The following DCN variants were observed in gnomAD, a reference collection of about 807,000 sequenced individuals.
DCN encodes the protein bone proteoglycan II.
A neutral mutation model predicts 36.5 loss-of-function variants in DCN; 17 were observed. That is an observed-to-expected ratio of 0.47 (90% CI 0.32 to 0.70). The LOEUF (loss-of-function observed/expected upper bound fraction) is 0.70. Among genes scored for constraint, DCN ranks in the 30% least tolerant of loss-of-function variants. The probability of loss-of-function intolerance (pLI) is 0.04; values close to 1 mark genes in which losing one functional copy is unlikely to be tolerated. For synonymous variants in DCN, 163 were observed against 161.4 expected, an observed-to-expected ratio of 1.01 and a Z score of -0.07; for missense variants, 389 against 430.1, an observed-to-expected ratio of 0.90 and a Z score of 0.84.
rs1880854324 is a variant in DCN at position 91,143,807 on chromosome 12, T to A, written c.*2251A>T. ...ATAAAGATACATATATATGTATATA[T>A]GCAAAAAGATATATATATAAATATA... On this transcript the variant is annotated 3_prime_UTR_variant, in exon 8 of 8. Coordinates refer to ENST00000052754, the MANE Select transcript of DCN (RefSeq NM_001920.5). The A allele has an allele frequency of 6.7e-6, 1 of 148,274 alleles. No individual in the cohort carries two copies. Among genetic ancestry groups the A allele is most frequent in the South Asian group, 2.1e-4 (1 of 4,786 alleles). 9.2% of individuals were successfully genotyped at this position (148,274 alleles called of 1,614,324 possible).
intron 1 of DCN, chr12:91,180,457 T>C (rs1181195779): frequency 6.6e-6 from 1 of 152,142 alleles, no homozygotes; most frequent in African/African-American, 2.4e-5. Flanking sequence ...CCTTAAGGTA[T>C]CTTCTGGGAA....
rs1457239823 is a variant in DCN, at chr12:91,155,000, C to T, written c.653-1811G>A. On this transcript the variant is annotated intron_variant, in intron 5 of 7. Transcript: ENST00000052754. ...TCTACACTACTTTCTACTGCCTTTC[C>T]ATTTCCATGAGTGATGGGAGAAAAT... 2.6e-5 allele frequency among the ~76,000 whole-genome samples: 4 copies of T among 152,114 alleles called. No homozygotes were observed. The East Asian group carries it at 7.7e-4, about 29-fold the overall frequency.
chr12:91,171,054 AATGTTAGCATTTTAAATTAT>A (rs1490347482), intron 2 of DCN, among the ~76,000 whole-genome samples: 1 of 152,286 alleles, frequency 6.6e-6, no homozygotes, highest in Non-Finnish European at 1.5e-5. Flanking sequence ...TAAAAAGTAA[AATGTTAGCATTTTAAATTAT>A]ATGTATCAAT....
Position 91,145,686 on chromosome 12 carries a change from G to A in DCN, c.*372C>T, listed in dbSNP as rs1397662669. 2.7e-6 allele frequency: 1 copy of A among 367,176 alleles called. No individual in the cohort carries two copies. Among genetic ancestry groups the A allele is most frequent in the Non-Finnish European group, 5.2e-6 (1 of 191,580 alleles). 22.7% of individuals were successfully genotyped at this position (367,176 alleles called of 1,614,324 possible). ...TGGCATTTGACTTTATCTCAAATGA[G>A]CTAACTGCTCAATGAATTACAGAAG... On this transcript the variant is annotated 3_prime_UTR_variant, in exon 8 of 8. Coordinates refer to ENST00000052754, the MANE Select transcript of DCN (RefSeq NM_001920.5).
intron 2 of DCN, among the ~76,000 whole-genome samples, chr12:91,167,408 AC>A (rs1423974089): frequency 1.3e-5 from 2 of 151,880 alleles, no homozygotes; most frequent in Non-Finnish European, 2.9e-5. Context: ...TAAAAAAAAA[AC>A]AATAAAAGCA....
intron 7 of DCN, among the ~76,000 whole-genome samples, chr12:91,147,423 G>A (rs1057265415): frequency 1.1e-4 from 16 of 152,104 alleles, no homozygotes; most frequent in African/African-American, 3.6e-4. Flanking sequence ...TCAATATGTA[G>A]CATATTATGC....
chr12:91,158,655 T>C (rs1214093650), intron 3 of DCN, 146 bp from the exon 4 acceptor site: 2 of 656,226 alleles, frequency 3.0e-6, no homozygotes, highest in Non-Finnish European at 5.4e-6. Flanking sequence ...AAGTAAGTAT[T>C]ATTTCTTTAC....
chr12:91,158,229 A>C, intron 4 of DCN, 67 bp downstream of exon 4: 4 of 1,013,842 alleles, frequency 3.9e-6, no homozygotes, highest in Non-Finnish European at 6.3e-6. Flanking sequence ...CTGCACTTAA[A>C]ACCCAGTTGA....
At chr12:91,148,184 C>T (rs1282429145) in intron 7 of DCN, among the ~76,000 whole-genome samples, 1 of 152,020 alleles carries the variant, frequency 6.6e-6, no homozygotes, top group Non-Finnish European at 1.5e-5. Context: ...CGCCATTCTC[C>T]TGCCTCAGCC....
chr12:91,141,677 A>C lies in DCN; in HGVS notation c.*4381T>G, dbSNP rs534991423. The C allele has an allele frequency of 1.3e-5, 2 of 152,264 alleles. No individual in the cohort carries two copies. Among genetic ancestry groups the C allele is most frequent in the East Asian group, 3.9e-4 (2 of 5,176 alleles). The allele number at this position is 152,264 out of a possible 1,614,324, so 9.4% of individuals were successfully genotyped here. On this transcript the variant is annotated 3_prime_UTR_variant, in exon 8 of 8. Coordinates refer to ENST00000052754, the MANE Select transcript of DCN (RefSeq NM_001920.5). ...GTAGATATATCTGATCAAGACAAAA[A>C]AGTTGGATTATTTTGACATTTTTGA...
chr12:91,169,378 C>CAA (rs58056993), intron 2 of DCN, among the ~76,000 whole-genome samples: 860 of 73,272 alleles, frequency 0.012, 37 homozygotes, highest in African/African-American at 0.045. Flanking sequence ...GAGATCCTGT[C>CAA]AAAAAAAAAA....
intron 7 of DCN, among the ~76,000 whole-genome samples, chr12:91,148,378 C>T (rs1881174464): frequency 6.6e-6 from 1 of 152,034 alleles, no homozygotes; most frequent in South Asian, 2.1e-4. Flanking sequence ...CTGCCACCAA[C>T]AAGATCTTAA....
chr12:91,174,816 T>G (rs749443703), intron 2 of DCN, among the ~76,000 whole-genome samples: 1 of 152,140 alleles, frequency 6.6e-6, no homozygotes, highest in Non-Finnish European at 1.5e-5. Flanking sequence ...AGAATTATTA[T>G]TTTAATTTTG....
intron 3 of DCN, 36 bp from the exon 4 acceptor site, chr12:91,158,545 A>C (rs1418025429): frequency 6.6e-6 from 7 of 1,065,712 alleles, no homozygotes; most frequent in Non-Finnish European, 1.0e-5. Context: ...CTTTAAATCC[A>C]AAACCTTCCA....
Position 91,153,139 on chromosome 12 carries a change from T to G in DCN, c.703A>C (p.Arg235=), listed in dbSNP as rs3138264. ...ELHLDGNKIS[R]VDAASLKGLN... is the part of the protein sequence containing the mutation. Reference sequence around the variant, plus strand: ...CCTTTCAGGCTAGCTGCATCAACTCTGCTGATTTTGTTGCCATCAAGATGT... The same window carrying G: ...CCTTTCAGGCTAGCTGCATCAACTCGGCTGATTTTGTTGCCATCAAGATGT... Residue 235 remains arginine, a synonymous_variant, in exon 6 of 8, where the codon AGA becomes CGA. Coordinates refer to ENST00000052754, the MANE Select transcript of DCN (RefSeq NM_001920.5). 1,592 of 1,611,190 alleles carry G rather than the reference T, an allele frequency of 9.9e-4. 12 individuals carry two copies. The African/African-American group carries it at 0.02, about 20-fold the overall frequency.
chr12:91,158,245 C>T (rs1215745003), intron 4 of DCN, 51 bp downstream of exon 4: 1 of 1,162,428 alleles, frequency 8.6e-7, no homozygotes, highest in Non-Finnish European at 1.3e-6. Flanking sequence ...GTTGAAATCT[C>T]TTAAGATAAA....
intron 2 of DCN, chr12:91,172,548 C>T (rs1883036300): frequency 2.5e-6 from 1 of 407,120 alleles, no homozygotes; most frequent in Non-Finnish European, 4.4e-6. Flanking sequence ...TGATTCTTCT[C>T]TTTAATTCTA....
intron 2 of DCN, among the ~76,000 whole-genome samples, chr12:91,169,378 C>CTAAAAAA (rs71097880): frequency 0.079 from 5,748 of 72,744 alleles, 909 homozygotes; most frequent in East Asian, 0.17. Flanking sequence ...GAGATCCTGT[C>CTAAAAAA]AAAAAAAAAA....
In DCN at chr12:91,145,710, A is replaced by T. The variant is rs183240798; in HGVS notation, c.*348T>A. On this transcript the variant is annotated 3_prime_UTR_variant, in exon 8 of 8. Coordinates refer to ENST00000052754, the MANE Select transcript of DCN (RefSeq NM_001920.5). ...AGCTAACTGCTCAATGAATTACAGA[A>T]GACTCATACTCTTTTTATTTTTTCC... is the stretch of plus-strand genomic sequence containing the variant. 30 of 398,958 alleles carry T rather than the reference A, an allele frequency of 7.5e-5. No individual in the cohort carries two copies. The Admixed American group carries it at 1.0e-3, about 14-fold the overall frequency. 24.7% of individuals were successfully genotyped at this position (398,958 alleles called of 1,614,324 possible).
Sources: gnomAD v4.1 joint callset for allele counts (sites outside exome capture counted in the v4.1 genomes callset) on GRCh38, gnomAD v4.1.1 for gene constraint, MANE v1.5 for transcripts, NCBI Gene and HGNC (gene_info 2026-07-23, HGNC 2026-07-21) for gene names.